Variants in LRRTM4 observed in about 807,000 individuals in gnomAD.
The protein encoded by LRRTM4 is leucine-rich repeat transmembrane neuronal protein 4.
Under a neutral mutation model 47.6 loss-of-function variants are expected in LRRTM4, and 25 were observed. The ratio of observed to expected loss-of-function variants is 0.53; its 90% CI spans 0.38 to 0.73. The LOEUF (loss-of-function observed/expected upper bound fraction) is 0.73, where lower values mean the gene tolerates loss of function less well. Among genes scored for constraint, LRRTM4 ranks in the 30% least tolerant of loss-of-function variants. The probability of loss-of-function intolerance (pLI) is 0.00; values close to 1 mark genes in which losing one functional copy is unlikely to be tolerated. For synonymous variants in LRRTM4, 311 were observed against 269.5 expected (o/e 1.15, Z -1.51); for missense variants, 638 against 713.4 (o/e 0.89, Z 1.20).
intron 3 of LRRTM4, among the ~76,000 whole-genome samples, chr2:77,222,974 C>G (rs1247788377): frequency 6.6e-6 from 1 of 152,130 alleles, no homozygotes; most frequent in Non-Finnish European, 1.5e-5. Flanking sequence ...TACTGGCAAA[C>G]TGAATCCAGC....
intron 3 of LRRTM4, among the ~76,000 whole-genome samples, chr2:77,168,995 A>G (rs924363585): frequency 1.3e-5 from 2 of 152,172 alleles, no homozygotes; most frequent in Non-Finnish European, 2.9e-5. Context: ...TCATTTTAAC[A>G]TATCCAGAAA....
chr2:77,183,209 A>G (rs1437051721), intron 3 of LRRTM4, among the ~76,000 whole-genome samples: 3 of 152,188 alleles, frequency 2.0e-5, no homozygotes, highest in Non-Finnish European at 4.4e-5. Context: ...AATATCCAGA[A>G]TCTACAATGA....
intron 3 of LRRTM4, among the ~76,000 whole-genome samples, chr2:76,954,727 C>T (rs546122811): frequency 1.3e-5 from 2 of 151,806 alleles, no homozygotes; most frequent in African/African-American, 4.8e-5. Context: ...AAGAAGCCCA[C>T]GCTGATATAC....
rs370052483 is a variant in LRRTM4, at chr2:77,297,738, A to T, written c.1551+220580T>A. Among the ~76,000 whole-genome samples, 20 of 152,158 alleles carry T rather than the reference A, an allele frequency of 1.3e-4. 1 individual carries two copies. In the East Asian group the frequency reaches 1.4e-3, roughly 10 times the overall value. ...TCACTCTTCTATTAAAAGCCAAGAG[A>T]GTAGAGCTTTAAAGTCAATTAATAA... On this transcript the variant is annotated intron_variant, in intron 3 of 3. Transcript: ENST00000409884.
chr2:76,938,881 A>G (rs938795668), intron 3 of LRRTM4, among the ~76,000 whole-genome samples: 2 of 152,076 alleles, frequency 1.3e-5, no homozygotes, highest in African/African-American at 4.8e-5. Flanking sequence ...TTTCTTTTAC[A>G]TTTAAGTTCT....
rs909837172 is a variant in LRRTM4 at position 77,286,603 on chromosome 2, GA to G, written c.1551+231714del. Among the ~76,000 whole-genome samples the G allele has an allele frequency of 5.5e-3, 754 of 137,810 alleles. 3 individuals are homozygous for G. Among genetic ancestry groups the G allele is most frequent in the African/African-American group, 0.018 (662 of 37,732 alleles). The allele number at this position is 137,810 out of a possible 152,430, so 90.4% of individuals were successfully genotyped here. A position where few individuals can be genotyped will look rare whatever the true frequency, so the allele number is the denominator to read the frequency against. On this transcript the variant is annotated intron_variant, in intron 3 of 3. Transcript: ENST00000409884. ...ATTACCACCAACAAAATATATATAA[GA>G]AAAAAAAAAACTCTAGCAAAGAAGA...
At chr2:77,400,791 C>T (rs1262842474) in intron 3 of LRRTM4, among the ~76,000 whole-genome samples, 4 of 151,778 alleles carry the variant, frequency 2.6e-5, no homozygotes, top group African/African-American at 9.7e-5. Flanking sequence ...GCCTCTGGGA[C>T]TTTTTATCTT....
Position 76,811,890 on chromosome 2 carries a change from TGA to T in LRRTM4, c.1552-62976_1552-62975del, listed in dbSNP as rs1404492410. Among the ~76,000 whole-genome samples, 4 of 143,760 alleles carry T rather than the reference TGA, an allele frequency of 2.8e-5. No homozygotes were observed. In the East Asian group the frequency reaches 9.1e-4, roughly 33 times the overall value. The allele number at this position is 143,760 out of a possible 152,430, so 94.3% of individuals were successfully genotyped here. A position where few individuals can be genotyped will look rare whatever the true frequency, so the allele number is the denominator to read the frequency against. On this transcript the variant is annotated intron_variant, in intron 3 of 3. Coordinates refer to ENST00000409884, the MANE Select transcript of LRRTM4 (RefSeq NM_001134745.3). ...TGAAGGATAGGAAAACATGTAAAAC[TGA>T]ATTTCTTTCCTAGATCTTACTCATT...
chr2:77,270,035 T>C (rs1676151351), intron 3 of LRRTM4, among the ~76,000 whole-genome samples: 1 of 152,214 alleles, frequency 6.6e-6, no homozygotes, highest in African/African-American at 2.4e-5. Context: ...GCCATAGGCA[T>C]GCACTAAAGT....
At chr2:76,753,026 A>G (rs1026150945) in intron 3 of LRRTM4, among the ~76,000 whole-genome samples, 15 of 152,254 alleles carry the variant, frequency 9.9e-5, no homozygotes, top group Admixed American at 2.0e-4. Flanking sequence ...AATCACATAG[A>G]GAAATATATT....
At chr2:76,943,636 G>T (rs1403842214) in intron 3 of LRRTM4, among the ~76,000 whole-genome samples, 1 of 152,048 alleles carries the variant, frequency 6.6e-6, no homozygotes, top group African/African-American at 2.4e-5. Flanking sequence ...GTGAGCTTCA[G>T]ACTCCTATAT....
At chr2:76,929,286 A>G (rs987599927) in intron 3 of LRRTM4, among the ~76,000 whole-genome samples, 7 of 152,118 alleles carry the variant, frequency 4.6e-5, no homozygotes, top group African/African-American at 1.7e-4. Context: ...ATGTTTCGCA[A>G]ACTAACGCCC....
At chr2:77,323,078 C>T (rs1463760329) in intron 3 of LRRTM4, among the ~76,000 whole-genome samples, 2 of 152,002 alleles carry the variant, frequency 1.3e-5, no homozygotes, top group Admixed American at 6.6e-5. Context: ...AAGATGTTGG[C>T]TCCTGGGGGG....
At chr2:76,914,013 A>G (rs909576770) in intron 3 of LRRTM4, among the ~76,000 whole-genome samples, 9 of 151,732 alleles carry the variant, frequency 5.9e-5, no homozygotes, top group African/African-American at 2.2e-4. Flanking sequence ...AATTAAAGAT[A>G]TAAAATTTAA....
rs1573236091 is a variant in LRRTM4 at position 76,870,903 on chromosome 2, C to A, written c.1552-121987G>T. The stretch of plus-strand genomic sequence containing the variant: ...CACACACAGAAATTCTTCAACTCAG[C>A]CAATCCCCAATAATCCACACTTTAA... On this transcript the variant is annotated intron_variant, in intron 3 of 3. Coordinates refer to ENST00000409884, the MANE Select transcript of LRRTM4 (RefSeq NM_001134745.3). 3.3e-5 allele frequency among the ~76,000 whole-genome samples: 5 copies of A among 152,128 alleles called. No homozygotes were observed. In the East Asian group the frequency reaches 9.6e-4, roughly 29 times the overall value.
At chr2:76,895,054 G>A (rs1011679450) in intron 3 of LRRTM4, among the ~76,000 whole-genome samples, 7 of 151,112 alleles carry the variant, frequency 4.6e-5, no homozygotes, top group Non-Finnish European at 8.8e-5. Flanking sequence ...AAAATACTTC[G>A]GCAAACATTT....
At chr2:77,251,253 A>ATC (rs1553416469) in intron 3 of LRRTM4, among the ~76,000 whole-genome samples, 78,790 of 144,366 alleles carry the variant, frequency 0.55, 21,881 homozygotes, top group African/African-American at 0.59. Flanking sequence ...GTGTGTGTAT[A>ATC]TATATATACA....
chr2:77,056,028 T>C (rs1470635009), intron 3 of LRRTM4, among the ~76,000 whole-genome samples: 1 of 113,968 alleles, frequency 8.8e-6, no homozygotes, highest in African/African-American at 3.5e-5. Context: ...CATCACACTC[T>C]GGGGACTGTT....
chr2:76,772,547 C>G (rs758488443), intron 3 of LRRTM4, among the ~76,000 whole-genome samples: 2 of 152,138 alleles, frequency 1.3e-5, no homozygotes, highest in Non-Finnish European at 2.9e-5. Flanking sequence ...ACATGACAGT[C>G]TCAATTTGAC....
Sources: allele counts gnomAD v4.1 joint callset (sites outside exome capture counted in the v4.1 genomes callset), GRCh38; gene constraint gnomAD v4.1.1; transcripts MANE v1.5; gene names NCBI Gene and HGNC (gene_info 2026-07-23, HGNC 2026-07-21).